DLGAP4: variants seen among roughly 807,000 people sequenced by gnomAD.
The protein encoded by DLGAP4 is DLG associated protein 4.
DLGAP4 carries 18 observed loss-of-function variants against 86.9 expected under a neutral mutation model. The ratio of observed to expected loss-of-function variants is 0.21; its 90% confidence interval spans 0.14 to 0.31. The LOEUF is 0.31. Ranked by LOEUF, DLGAP4 falls within the 10% of genes least tolerant of loss-of-function variation. The pLI is 1.00. For synonymous variants in DLGAP4, 548 were observed against 574.3 expected, an observed-to-expected ratio of 0.95 and a Z score of 0.65; for missense variants, 1,085 against 1,362.6, an observed-to-expected ratio of 0.80 and a Z score of 3.21.
intron 10 of DLGAP4, among the ~76,000 whole-genome samples, chr20:36,507,066 A>G (rs374134898): frequency 6.6e-5 from 10 of 152,176 alleles, no homozygotes; most frequent in South Asian, 6.2e-4. Context: ...TCATTTGCCA[A>G]TGGATAGGTG....
chr20:36,489,095 C>T (rs1318864563), intron 7 of DLGAP4, among the ~76,000 whole-genome samples: 1 of 152,182 alleles, frequency 6.6e-6, no homozygotes, highest in African/African-American at 2.4e-5. Flanking sequence ...AAGTATAGCA[C>T]TAAATAGACC....
At chr20:36,510,337 C>T (rs1266401450) in intron 10 of DLGAP4, among the ~76,000 whole-genome samples, 1 of 152,062 alleles carries the variant, frequency 6.6e-6, no homozygotes, top group Non-Finnish European at 1.5e-5. Flanking sequence ...GATCTCAGCT[C>T]ACTGCAACCT....
chr20:36,504,024 A>T (rs1023645133), intron 10 of DLGAP4, among the ~76,000 whole-genome samples: 3 of 152,176 alleles, frequency 2.0e-5, no homozygotes, highest in African/African-American at 7.2e-5. Flanking sequence ...ATGGATGTAT[A>T]TTCATTTCTT....
chr20:36,348,708 C>T (rs1316096700), intron 1 of DLGAP4, among the ~76,000 whole-genome samples: 1 of 152,048 alleles, frequency 6.6e-6, no homozygotes, highest in African/African-American at 2.4e-5. Flanking sequence ...TGACCCACTG[C>T]TCCCGGCTGA....
At chr20:36,355,301 T>TC (rs1207855266) in intron 1 of DLGAP4, among the ~76,000 whole-genome samples, 4 of 149,062 alleles carry the variant, frequency 2.7e-5, no homozygotes, top group East Asian at 1.9e-4. Flanking sequence ...TTTCTTTCTT[T>TC]TTTTTTTTTT....
intron 10 of DLGAP4, among the ~76,000 whole-genome samples, chr20:36,515,505 G>C (rs1277157376): frequency 6.6e-6 from 1 of 152,150 alleles, no homozygotes; most frequent in Non-Finnish European, 1.5e-5. Context: ...AGGTAGTGTA[G>C]TCCATTTTTA....
chr20:36,384,856 C>G (rs891226605), intron 2 of DLGAP4, among the ~76,000 whole-genome samples: 6 of 152,190 alleles, frequency 3.9e-5, no homozygotes, highest in Non-Finnish European at 5.9e-5. Flanking sequence ...TACTGTGTGC[C>G]AGGACCTGTA....
intron 1 of DLGAP4, among the ~76,000 whole-genome samples, chr20:36,346,209 T>G (rs2029933071): frequency 6.6e-6 from 1 of 151,918 alleles, no homozygotes; most frequent in South Asian, 2.1e-4. Flanking sequence ...ATGGGCAGAG[T>G]CCAAGGACTG....
intron 1 of DLGAP4, among the ~76,000 whole-genome samples, chr20:36,343,232 G>C (rs1005515316): frequency 1.3e-5 from 2 of 152,200 alleles, no homozygotes; most frequent in Admixed American, 1.3e-4. Context: ...CTGAGGAGAC[G>C]GCTGCAGACA....
Position 36,431,322 on chromosome 20 carries a change from C to A in DLGAP4, c.-72-324C>A, listed in dbSNP as rs1420566556. Among the ~76,000 whole-genome samples, 1 of 152,050 alleles carries A rather than the reference C, an allele frequency of 6.6e-6. No homozygotes were observed. The highest frequency in any genetic ancestry group is 1.5e-5 in the Non-Finnish European group (1 of 68,000). Reference sequence around the variant, plus strand: ...GAAAGAGAGTGGAGGATGGGCAGCCCCCCACCCATATTTCATCATGGAATT... The same window carrying A: ...GAAAGAGAGTGGAGGATGGGCAGCCACCCACCCATATTTCATCATGGAATT... On this transcript the variant is annotated intron_variant, in intron 2 of 12. Coordinates refer to ENST00000339266, the MANE Select transcript of DLGAP4 (RefSeq NM_001365621.2). The surrounding 1 kb of genome is among the most constrained non-coding windows in gnomAD (Gnocchi z 5.1).
intron 7 of DLGAP4, among the ~76,000 whole-genome samples, chr20:36,449,426 A>G (rs1278072268): frequency 6.6e-6 from 1 of 152,122 alleles, no homozygotes; most frequent in Non-Finnish European, 1.5e-5. Context: ...AGCCTCCGAA[A>G]ATACAGACTG....
At chr20:36,368,163 G>A (rs1401962574) in intron 2 of DLGAP4, among the ~76,000 whole-genome samples, 1 of 152,214 alleles carries the variant, frequency 6.6e-6, no homozygotes, top group Non-Finnish European at 1.5e-5. Flanking sequence ...GAGAGAAGAA[G>A]GGAAACCTCT....
intron 2 of DLGAP4, among the ~76,000 whole-genome samples, chr20:36,391,735 G>T (rs1001907627): frequency 6.6e-6 from 1 of 152,174 alleles, no homozygotes; most frequent in Non-Finnish European, 1.5e-5. Context: ...ATAGTGCTGG[G>T]GGGTAGGATT....
At chr20:36,362,024 GC>G (rs1555894262) in intron 1 of DLGAP4, among the ~76,000 whole-genome samples, 1 of 151,170 alleles carries the variant, frequency 6.6e-6, no homozygotes, top group Non-Finnish European at 1.5e-5. Flanking sequence ...AGCCATGGTG[GC>G]TCACACCTGT....
chr20:36,490,903 A>G (rs2035632730), intron 7 of DLGAP4, among the ~76,000 whole-genome samples: 1 of 152,052 alleles, frequency 6.6e-6, no homozygotes, highest in African/African-American at 2.4e-5. Flanking sequence ...ACAATAAAAA[A>G]CAAAATGCAG....
At chr20:36,334,434 A>G (rs1458848241) in intron 1 of DLGAP4, among the ~76,000 whole-genome samples, 3 of 152,248 alleles carry the variant, frequency 2.0e-5, no homozygotes, top group African/African-American at 7.2e-5. Flanking sequence ...AAGGAGAACC[A>G]TTGAGGTCTG....
At chr20:36,316,510 C>G (rs1874464836) in intron 1 of DLGAP4, among the ~76,000 whole-genome samples, 1 of 152,136 alleles carries the variant, frequency 6.6e-6, no homozygotes, top group Non-Finnish European at 1.5e-5. Flanking sequence ...TTCCAGGAAC[C>G]CTGCCTTTCC....
Position 36,518,221 on chromosome 20 carries a change from G to A in DLGAP4, c.2513-6029G>A, listed in dbSNP as rs553875911. Among the ~76,000 whole-genome samples, 13 of 149,132 alleles carry A rather than the reference G, an allele frequency of 8.7e-5. No homozygotes were observed. The South Asian group carries it at 1.3e-3, about 14-fold the overall frequency. On this transcript the variant is annotated intron_variant, in intron 10 of 12. Transcript: ENST00000339266. ...TGGGCAACAAAACAAGACAAGACTC[G>A]GTCTCAAAAAAAAAAAAACCAGGAT...
intron 2 of DLGAP4, among the ~76,000 whole-genome samples, chr20:36,392,334 C>A (rs2031811858): frequency 6.6e-6 from 1 of 152,132 alleles, no homozygotes; most frequent in Non-Finnish European, 1.5e-5. Flanking sequence ...CTTAGGATTG[C>A]CTGTCATTCA....
Sources: allele counts gnomAD v4.1 joint callset (sites outside exome capture counted in the v4.1 genomes callset), GRCh38; gene constraint gnomAD v4.1.1; non-coding constraint Gnocchi (gnomAD v3.1); transcripts MANE v1.5; gene names NCBI Gene and HGNC (gene_info 2026-07-23, HGNC 2026-07-21).